ABCC9: variants seen among roughly 807,000 people sequenced by gnomAD.
The protein encoded by ABCC9 is ATP-binding cassette sub-family C member 9.
A neutral mutation model predicts 188.3 loss-of-function variants in ABCC9; 95 were observed. That is an observed-to-expected ratio of 0.50 (90% confidence interval 0.43 to 0.60). ABCC9 has a LOEUF of 0.60. Ranked by LOEUF, ABCC9 falls within the 20% of genes least tolerant of loss-of-function variation. ABCC9 has a pLI of 0.00. For missense variants in ABCC9, 1,102 were observed against 1,876.3 expected (o/e 0.59, Z 7.62); for synonymous variants, 659 against 652.7 (o/e 1.01, Z -0.15).
intron 36 of ABCC9, among the ~76,000 whole-genome samples, chr12:21,811,463 G>A (rs1249661973): frequency 6.6e-6 from 1 of 152,078 alleles, no homozygotes; most frequent in African/African-American, 2.4e-5. Context: ...CAGCTTCTTT[G>A]AGTTTCAAAA....
At chr12:21,837,875 C>T (rs1012190983) in intron 30 of ABCC9, among the ~76,000 whole-genome samples, 2 of 152,100 alleles carry the variant, frequency 1.3e-5, no homozygotes, top group Non-Finnish European at 2.9e-5. Flanking sequence ...GTTGCTTCAT[C>T]CTTTATTATA....
chr12:21,812,103 C>T lies in ABCC9; in HGVS notation c.4157G>A (p.Arg1386His), dbSNP rs730880035. 3 of 1,613,408 alleles carry T rather than the reference C, an allele frequency of 1.9e-6. No individual in the cohort carries two copies. Among genetic ancestry groups the T allele is most frequent in the Non-Finnish European group, 1.7e-6 (2 of 1,179,518 alleles). Residue 1386 changes from arginine (R) to histidine (H), a missense_variant, in exon 36 of 40, where the codon CGT becomes CAT. Around this residue, in one of 12 missense-constraint regions of ABCC9, gnomAD observed 67 missense variants for 101.0 expected, o/e 0.66. Coordinates refer to ENST00000261200, the MANE Select transcript of ABCC9 (RefSeq NM_020297.4). ...CTGCAGAATGATTGAAAGTCTAGAA[C>T]GTAGTGTGTGCAGTGGTAATTTGGA... ...DISKLPLHTL[R>H]SRLSIILQDP... is the part of the protein sequence containing the mutation.
At chr12:21,875,776 T>C in intron 16 of ABCC9, 50 bp from the exon 17 acceptor site, 1 of 1,423,460 alleles carries the variant, frequency 7.0e-7, no homozygotes, top group Middle Eastern at 1.8e-4. Flanking sequence ...TATCAATGAA[T>C]AATTCTAATT....
At chr12:21,930,495 T>C (rs1949240565) in intron 4 of ABCC9, among the ~76,000 whole-genome samples, 1 of 152,176 alleles carries the variant, frequency 6.6e-6, no homozygotes, top group African/African-American at 2.4e-5. Flanking sequence ...GGTCATGTTA[T>C]ACACAGATAA....
In ABCC9 at chr12:21,890,771, G is replaced by A. The variant is rs1047984138; in HGVS notation, c.1803-2837C>T. 8.7e-5 allele frequency among the ~76,000 whole-genome samples: 13 copies of A among 150,036 alleles called. 1 individual carries two copies. In the South Asian group the frequency reaches 2.7e-3, roughly 32 times the overall value. ...CACTCATACGTGGGAATTGAACAAT[G>A]AGAACACATGGACACAGGAAGGGGA... On this transcript the variant is annotated intron_variant, in intron 14 of 39. Coordinates refer to ENST00000261200, the MANE Select transcript of ABCC9 (RefSeq NM_020297.4).
intron 22 of ABCC9, among the ~76,000 whole-genome samples, chr12:21,857,270 A>G (rs1401155521): frequency 6.6e-6 from 1 of 152,180 alleles, no homozygotes; most frequent in Non-Finnish European, 1.5e-5. Flanking sequence ...TATACAAAAT[A>G]TGTTATTTGT....
chr12:21,888,477 G>T (rs918201809), intron 14 of ABCC9, among the ~76,000 whole-genome samples: 1 of 152,078 alleles, frequency 6.6e-6, no homozygotes, highest in African/African-American at 2.4e-5. Context: ...GGCAAGGAGA[G>T]GGGACTCTAG....
At position 21,898,880 on chromosome 12, in the gene ABCC9, G is replaced by A. The variant is rs146986454; in HGVS notation, c.1619-3565C>T. On this transcript the variant is annotated intron_variant, in intron 12 of 39. Transcript: ENST00000261200. ...ATTTTGAAATTTTTGAAAATATATTGGAAAAAAGGGTTTTATGTGAACGAA... is the reference window on the plus strand; with the variant it reads ...ATTTTGAAATTTTTGAAAATATATTAGAAAAAAGGGTTTTATGTGAACGAA... 1.8e-3 allele frequency among the ~76,000 whole-genome samples: 281 copies of A among 152,078 alleles called. 1 individual carries two copies. Among genetic ancestry groups the A allele is most frequent in the African/African-American group, 6.2e-3 (259 of 41,488 alleles).
chr12:21,906,511 G>A (rs1322780728), intron 11 of ABCC9, among the ~76,000 whole-genome samples: 1 of 151,950 alleles, frequency 6.6e-6, no homozygotes, highest in Non-Finnish European at 1.5e-5. Context: ...CTAAAAACAT[G>A]TATGTCTCTG....
intron 21 of ABCC9, 43 bp downstream of exon 21, chr12:21,860,928 C>G (rs752952825): frequency 1.6e-5 from 24 of 1,463,834 alleles, no homozygotes; most frequent in Non-Finnish European, 2.3e-5. Context: ...GAAGACTTTT[C>G]TAGATTTTTG....
intron 18 of ABCC9, among the ~76,000 whole-genome samples, chr12:21,868,735 A>C (rs1565759926): frequency 6.6e-6 from 1 of 152,140 alleles, no homozygotes; most frequent in East Asian, 1.9e-4. Context: ...CATTTAGTTT[A>C]TTGTTTTGGT....
At chr12:21,873,133 C>A (rs1192491260) in intron 17 of ABCC9, among the ~76,000 whole-genome samples, 1 of 151,814 alleles carries the variant, frequency 6.6e-6, no homozygotes, top group Admixed American at 6.6e-5. Flanking sequence ...ATAGAAAAAT[C>A]TGTTCCTATT....
At chr12:21,834,217 A>G (rs984915812) in intron 30 of ABCC9, among the ~76,000 whole-genome samples, 10 of 152,232 alleles carry the variant, frequency 6.6e-5, no homozygotes, top group African/African-American at 2.4e-4. Flanking sequence ...TCACTTGATT[A>G]ACTCCAATGA....
At chr12:21,815,271 T>G (rs1942527060) in intron 34 of ABCC9, among the ~76,000 whole-genome samples, 1 of 151,196 alleles carries the variant, frequency 6.6e-6, no homozygotes, top group South Asian at 2.1e-4. Flanking sequence ...GTGATTGCCT[T>G]GTTTTTTCTT....
intron 4 of ABCC9, among the ~76,000 whole-genome samples, chr12:21,926,895 T>C (rs1213073298): frequency 1.3e-5 from 2 of 152,212 alleles, no homozygotes; most frequent in African/African-American, 4.8e-5. Context: ...CTCAACTCCA[T>C]TGGCATTAAT....
intron 20 of ABCC9, among the ~76,000 whole-genome samples, chr12:21,862,214 A>C (rs1389700816): frequency 5.3e-5 from 8 of 152,046 alleles, no homozygotes; most frequent in Non-Finnish European, 1.2e-4. Context: ...ATGTCTCCAT[A>C]TATATGTATA....
At chr12:21,845,972 A>G in intron 25 of ABCC9, 140 bp from the exon 26 acceptor site, 1 of 694,970 alleles carries the variant, frequency 1.4e-6, no homozygotes, top group East Asian at 2.7e-5. Flanking sequence ...TGCTTTTAGT[A>G]GGGCAAACCT....
At chr12:21,836,988 T>C (rs1944137404) in intron 30 of ABCC9, among the ~76,000 whole-genome samples, 1 of 152,198 alleles carries the variant, frequency 6.6e-6, no homozygotes. Context: ...CGTGTCTTTT[T>C]AGTCTTTATA....
At chr12:21,827,344 T>C (rs1400627962) in intron 31 of ABCC9, 1 of 984,210 alleles carries the variant, frequency 1.0e-6, no homozygotes, top group East Asian at 1.1e-4. Flanking sequence ...TCGGTCAGAC[T>C]CTCACCTCAA....
Sources: gnomAD v4.1 joint callset for allele counts (sites outside exome capture counted in the v4.1 genomes callset) on GRCh38, gnomAD v4.1.1 for gene constraint, gnomAD v4.1.1 regional missense constraint, MANE v1.5 for transcripts, NCBI Gene and HGNC (gene_info 2026-07-23, HGNC 2026-07-21) for gene names.